QRICH1: variants seen among roughly 807,000 people sequenced by gnomAD.
QRICH1 encodes the protein transcriptional regulator QRICH1.
Under a neutral mutation model 87.1 loss-of-function variants are expected in QRICH1, and 16 were observed. The observed-to-expected ratio is 0.18, with a 90% confidence interval of 0.12 to 0.28. The LOEUF is 0.28. Ranked by LOEUF, QRICH1 falls within the 10% of genes least tolerant of loss-of-function variation. The pLI is 1.00. For synonymous variants in QRICH1, 367 were observed against 368.4 expected (o/e 1.00, Z 0.05); for missense variants, 647 against 951.7 (o/e 0.68, Z 4.21).
chr3:49,047,007 C>T (rs780537399), intron 4 of QRICH1, 62 bp downstream of exon 4: 1 of 1,541,414 alleles, frequency 6.5e-7, no homozygotes, highest in South Asian at 1.2e-5. Context: ...GCATTTTGTC[C>T]TCCTGTTACT....
intron 1 of QRICH1, among the ~76,000 whole-genome samples, chr3:49,081,716 T>C (rs544474300): frequency 6.6e-5 from 10 of 152,216 alleles, no homozygotes; most frequent in Admixed American, 5.2e-4. Context: ...GCCCACGCTG[T>C]TCTCAAACTC....
chr3:49,036,689 G>GAAAAA (rs2093276879), intron 6 of QRICH1, among the ~76,000 whole-genome samples: 1 of 82,442 alleles, frequency 1.2e-5, no homozygotes, highest in Non-Finnish European at 2.4e-5. Flanking sequence ...AAGAAAAAAA[G>GAAAAA]AAAAAACAAA....
chr3:49,090,767 G>A (rs1365048919), intron 1 of QRICH1, among the ~76,000 whole-genome samples: 1 of 152,182 alleles, frequency 6.6e-6, no homozygotes, highest in East Asian at 1.9e-4. Context: ...AGCAAAGGAA[G>A]AAATTAATCT....
intron 2 of QRICH1, among the ~76,000 whole-genome samples, chr3:49,060,502 G>T (rs981648667): frequency 6.6e-6 from 1 of 151,750 alleles, no homozygotes; most frequent in Non-Finnish European, 1.5e-5. Flanking sequence ...CCTAATTTTT[G>T]TATTTTTAGT....
intron 1 of QRICH1, among the ~76,000 whole-genome samples, chr3:49,088,116 T>C (rs1385639690): frequency 2.0e-5 from 3 of 151,700 alleles, no homozygotes; most frequent in Non-Finnish European, 4.4e-5. Flanking sequence ...CACATCCAGC[T>C]AATTTTTTTG....
intron 1 of QRICH1, among the ~76,000 whole-genome samples, chr3:49,078,972 G>T (rs563532686): frequency 3.0e-4 from 45 of 152,004 alleles, no homozygotes; most frequent in Admixed American, 8.5e-4. Context: ...GATTATAGAC[G>T]TGAGCCACCC....
chr3:49,051,145 C>T (rs1252432011), intron 3 of QRICH1, among the ~76,000 whole-genome samples: 1 of 152,166 alleles, frequency 6.6e-6, no homozygotes, highest in African/African-American at 2.4e-5. Context: ...CTGTCTACCC[C>T]AGAAATGAGC....
chr3:49,057,853 G>A lies in QRICH1; in HGVS notation c.347C>T (p.Ser116Leu), dbSNP rs1321243889. 5 of 1,614,094 alleles carry A rather than the reference G, an allele frequency of 3.1e-6. No homozygotes were observed. The highest frequency in any genetic ancestry group is 1.3e-5 in the African/African-American group (1 of 75,020). Reference sequence around the variant, plus strand: ...GGTGAGTTGTGGGGAGAGCTGAGCCGAGACCTGTTGCGGAGACTGCTGTAC... The same window carrying A: ...GGTGAGTTGTGGGGAGAGCTGAGCCAAGACCTGTTGCGGAGACTGCTGTAC... ...VQVQQSPQQVSAQLSPQLTVH... is the reference protein window; with the variant it reads ...VQVQQSPQQVLAQLSPQLTVH... The change falls in exon 3 of 10, where the codon TCG becomes TTG. Residue 116 changes from serine to leucine, a missense_variant. Around this residue, in one of 7 missense-constraint regions of QRICH1, gnomAD observed 156 missense variants for 164.5 expected, o/e 0.95. Transcript: ENST00000395443. This position sits in a 1 kb window ranked among gnomAD's most constrained non-coding sequence, Gnocchi z 5.4.
rs1324759556 is a variant in QRICH1, at chr3:49,057,951, GGAAA to G, written c.310-65_310-62del. ...GCAGCACTGAAAATCCAGTACCCAA[GGAAA>G]GAAAGAAAAGAGATCCCAGACAGGG... is the stretch of plus-strand genomic sequence containing the variant. On this transcript the variant is annotated intron_variant, in intron 2 of 9. Coordinates refer to ENST00000395443, the MANE Select transcript of QRICH1 (RefSeq NM_198880.3). The surrounding 1 kb of genome is among the most constrained non-coding windows in gnomAD (Gnocchi z 5.4). 2 of 1,612,346 alleles carry G rather than the reference GGAAA, an allele frequency of 1.2e-6. No individual in the cohort carries two copies. The highest frequency in any genetic ancestry group is 1.7e-6 in the Non-Finnish European group (2 of 1,179,856).
intron 2 of QRICH1, among the ~76,000 whole-genome samples, chr3:49,066,641 T>C (rs2093470015): frequency 6.6e-6 from 1 of 152,052 alleles, no homozygotes; most frequent in Admixed American, 6.6e-5. Context: ...AATTTTCTTA[T>C]TTTTAGTTGA....
intron 6 of QRICH1, among the ~76,000 whole-genome samples, chr3:49,043,639 CA>C (rs1391313113): frequency 2.6e-5 from 4 of 151,950 alleles, no homozygotes; most frequent in Non-Finnish European, 4.4e-5. Context: ...CCAGCCTGGC[CA>C]ATGTGGCAAA....
intron 5 of QRICH1, among the ~76,000 whole-genome samples, 166 bp from the exon 6 acceptor site, chr3:49,044,670 G>A (rs2093329061): frequency 6.6e-6 from 1 of 152,174 alleles, no homozygotes; most frequent in Non-Finnish European, 1.5e-5. Context: ...CTAAGCTCAT[G>A]TGACTGATTC....
intron 2 of QRICH1, among the ~76,000 whole-genome samples, chr3:49,075,900 C>T (rs2041941308): frequency 6.6e-6 from 1 of 151,932 alleles, no homozygotes. Context: ...CACTGCACTC[C>T]AGCCTGGGTG....
At chr3:49,048,130 CTTT>C (rs34861445) in intron 3 of QRICH1, among the ~76,000 whole-genome samples, 18 of 142,076 alleles carry the variant, frequency 1.3e-4, no homozygotes, top group East Asian at 2.1e-4. Flanking sequence ...TTCTTTCTTT[CTTT>C]TTTTTTTTTT....
intron 2 of QRICH1, among the ~76,000 whole-genome samples, chr3:49,067,881 G>A (rs1015295801): frequency 1.7e-4 from 26 of 151,788 alleles, no homozygotes; most frequent in Non-Finnish European, 3.8e-4. Context: ...AACCCAGGAG[G>A]CAGAGGTTGC....
intron 2 of QRICH1, among the ~76,000 whole-genome samples, chr3:49,063,772 C>A (rs1406797363): frequency 6.6e-6 from 1 of 152,126 alleles, no homozygotes; most frequent in African/African-American, 2.4e-5. Context: ...CCAGCTTGGA[C>A]AACAAAGTGA....
chr3:49,056,756 G>T (rs762997475), intron 3 of QRICH1, 106 bp downstream of exon 3: 2 of 1,525,278 alleles, frequency 1.3e-6, no homozygotes, highest in East Asian at 2.3e-5. Flanking sequence ...CTGCATCACT[G>T]TAAGAGTAAC....
chr3:49,048,801 C>CA (rs76560601), intron 3 of QRICH1, among the ~76,000 whole-genome samples: 1,178 of 108,570 alleles, frequency 0.011, 6 homozygotes, highest in East Asian at 0.029. Flanking sequence ...AAAAAAAAAC[C>CA]AAAAAAAAAA....
intron 1 of QRICH1, among the ~76,000 whole-genome samples, chr3:49,083,816 C>T (rs994779047): frequency 4.0e-5 from 6 of 151,580 alleles, no homozygotes; most frequent in African/African-American, 1.4e-4. Context: ...GTAGTCCCAG[C>T]TACTTGGGAG....
Sources: allele counts gnomAD v4.1 joint callset (sites outside exome capture counted in the v4.1 genomes callset), GRCh38; gene constraint gnomAD v4.1.1; regional missense constraint gnomAD v4.1.1; non-coding constraint Gnocchi (gnomAD v3.1); transcripts MANE v1.5; gene names NCBI Gene and HGNC (gene_info 2026-07-23, HGNC 2026-07-21).